LHFPL3: variants seen among roughly 807,000 people sequenced by gnomAD.
LHFPL3 encodes LHFPL tetraspan subfamily member 3 protein.
A neutral mutation model predicts 19.3 loss-of-function variants in LHFPL3; 5 were observed. The observed-to-expected ratio is 0.26, with a 90% CI of 0.14 to 0.54. The LOEUF (loss-of-function observed/expected upper bound fraction) is 0.54, where lower values mean the gene tolerates loss of function less well. LHFPL3 is among the 20% of genes least tolerant of loss of function. The probability of loss-of-function intolerance (pLI) is 0.94; values close to 1 mark genes in which losing one functional copy is unlikely to be tolerated. For missense variants in LHFPL3, 249 were observed against 307.4 expected (o/e 0.81, Z 1.42); for synonymous variants, 133 against 126.2 (o/e 1.05, Z -0.36).
intron 1 of LHFPL3, among the ~76,000 whole-genome samples, chr7:104,430,867 G>A (rs1791990601): frequency 6.6e-6 from 1 of 151,988 alleles, no homozygotes; most frequent in Admixed American, 6.6e-5. Flanking sequence ...TGCATAATGT[G>A]TGTGTTTTGT....
chr7:104,786,214 G>A (rs1479922709), intron 2 of LHFPL3, among the ~76,000 whole-genome samples: 1 of 152,192 alleles, frequency 6.6e-6, no homozygotes, highest in Non-Finnish European at 1.5e-5. Context: ...ACTGGTTAAA[G>A]ACTGAAATGT....
intron 1 of LHFPL3, among the ~76,000 whole-genome samples, chr7:104,665,354 G>A (rs906022047): frequency 6.6e-6 from 1 of 152,120 alleles, no homozygotes; most frequent in Non-Finnish European, 1.5e-5. Flanking sequence ...CATGATTGAG[G>A]TACTTTCTTC....
At chr7:104,819,572 A>C (rs1790638378) in intron 2 of LHFPL3, among the ~76,000 whole-genome samples, 1 of 152,160 alleles carries the variant, frequency 6.6e-6, no homozygotes, top group African/African-American at 2.4e-5. Flanking sequence ...AAACAAAAAC[A>C]AAAAAACAGC....
At chr7:104,625,940 G>T (rs7798889) in intron 1 of LHFPL3, among the ~76,000 whole-genome samples, 1,602 of 152,224 alleles carry the variant, frequency 0.011, 38 homozygotes, top group African/African-American at 0.037. Flanking sequence ...ACCCCTGCTA[G>T]CCAGCTGTCA....
At chr7:104,430,006 T>C (rs1791924772) in intron 1 of LHFPL3, among the ~76,000 whole-genome samples, 1 of 152,176 alleles carries the variant, frequency 6.6e-6, no homozygotes, top group Non-Finnish European at 1.5e-5. Context: ...AATGGCTCAA[T>C]GGCTCCTCAA....
intron 1 of LHFPL3, among the ~76,000 whole-genome samples, chr7:104,534,350 C>T (rs190410145): frequency 1.3e-5 from 2 of 152,206 alleles, no homozygotes; most frequent in Non-Finnish European, 2.9e-5. Context: ...CCTGGGGTAA[C>T]TCTGATGTGC....
At chr7:104,585,533 C>T (rs572379616) in intron 1 of LHFPL3, among the ~76,000 whole-genome samples, 2 of 92,610 alleles carry the variant, frequency 2.2e-5, no homozygotes, top group Non-Finnish European at 5.2e-5. Context: ...GGCCTTGTCC[C>T]TGATAAATGT....
At chr7:104,542,794 A>G (rs987098651) in intron 1 of LHFPL3, among the ~76,000 whole-genome samples, 2 of 152,188 alleles carry the variant, frequency 1.3e-5, no homozygotes, top group African/African-American at 4.8e-5. Context: ...CAGCAATCCC[A>G]TTACTGAGTA....
chr7:104,678,257 C>G (rs1485245676), intron 1 of LHFPL3, among the ~76,000 whole-genome samples: 3 of 152,086 alleles, frequency 2.0e-5, no homozygotes, highest in Non-Finnish European at 4.4e-5. Context: ...TTTCTGAGCC[C>G]TGGTAAAGAG....
At chr7:104,705,026 G>A (rs1350058533) in intron 1 of LHFPL3, among the ~76,000 whole-genome samples, 1 of 152,194 alleles carries the variant, frequency 6.6e-6, no homozygotes, top group Admixed American at 6.5e-5. Context: ...TAAATGGGCT[G>A]TGGTTAATCA....
At chr7:104,537,171 G>A (rs1294862059) in intron 1 of LHFPL3, among the ~76,000 whole-genome samples, 1 of 152,148 alleles carries the variant, frequency 6.6e-6, no homozygotes, top group Non-Finnish European at 1.5e-5. Context: ...CATCACAGAA[G>A]GCATTTCAAC....
chr7:104,813,137 G>C (rs1215864086), intron 2 of LHFPL3, among the ~76,000 whole-genome samples: 1 of 151,988 alleles, frequency 6.6e-6, no homozygotes, highest in Non-Finnish European at 1.5e-5. Context: ...AATTAGATGG[G>C]TGTGAGAGTG....
intron 2 of LHFPL3, among the ~76,000 whole-genome samples, chr7:104,810,631 T>C (rs1003000992): frequency 6.6e-6 from 1 of 152,142 alleles, no homozygotes; most frequent in Non-Finnish European, 1.5e-5. Context: ...AGGATGCCCA[T>C]ATCATTTTTT....
At chr7:104,863,369 T>C (rs963410433) in intron 2 of LHFPL3, among the ~76,000 whole-genome samples, 1 of 152,234 alleles carries the variant, frequency 6.6e-6, no homozygotes, top group Non-Finnish European at 1.5e-5. Flanking sequence ...CTGACAAGTA[T>C]AGTCACTAAC....
At chr7:104,903,583 G>C (rs1329135834) in intron 2 of LHFPL3, among the ~76,000 whole-genome samples, 2 of 151,124 alleles carry the variant, frequency 1.3e-5, no homozygotes, top group African/African-American at 4.9e-5. Context: ...TCCTGCCTCA[G>C]CCTCCCAAGT....
At chr7:104,701,799 A>G (rs980212755) in intron 1 of LHFPL3, among the ~76,000 whole-genome samples, 4 of 152,200 alleles carry the variant, frequency 2.6e-5, no homozygotes, top group African/African-American at 9.7e-5. Flanking sequence ...ATTTCAGTCG[A>G]AAAATTTGCA....
chr7:104,787,483 G>A (rs1789939911), intron 2 of LHFPL3, among the ~76,000 whole-genome samples: 1 of 152,180 alleles, frequency 6.6e-6, no homozygotes. Flanking sequence ...TGGTGTCTGA[G>A]GAAGGCCTGC....
chr7:104,906,077 G>A, intron 2 of LHFPL3, 110 bp from the exon 3 acceptor site: 1 of 995,284 alleles, frequency 1.0e-6, no homozygotes, highest in Admixed American at 2.0e-5. Flanking sequence ...CCATTCATTG[G>A]TATAGTTTTT....
chr7:104,506,275 C>T (rs1254509343), intron 1 of LHFPL3, among the ~76,000 whole-genome samples: 1 of 141,802 alleles, frequency 7.1e-6, no homozygotes, highest in Non-Finnish European at 1.5e-5. Flanking sequence ...CGCCGCAATA[C>T]CTCAAAGTAT....
Sources: allele counts gnomAD v4.1 joint callset (sites outside exome capture counted in the v4.1 genomes callset), GRCh38; gene constraint gnomAD v4.1.1; transcripts MANE v1.5; gene names NCBI Gene and HGNC (gene_info 2026-07-23, HGNC 2026-07-21).